PPM1L: variants seen among roughly 807,000 people sequenced by gnomAD.
PPM1L encodes the protein protein phosphatase, Mg2+/Mn2+ dependent 1L.
In PPM1L, 13 loss-of-function variants were observed where a neutral mutation model predicts 31.4. That is an observed-to-expected ratio of 0.41 (90% CI 0.27 to 0.66). PPM1L has a LOEUF of 0.66. Among genes scored for constraint, PPM1L ranks in the 30% least tolerant of loss-of-function variants. The pLI is 0.29. For synonymous variants in PPM1L, 184 were observed against 175.4 expected, an observed-to-expected ratio of 1.05 and a Z score of -0.39; for missense variants, 326 against 453.7, an observed-to-expected ratio of 0.72 and a Z score of 2.56.
At position 161,019,543 on chromosome 3, in the gene PPM1L, G is replaced by A. The variant is rs183323113; in HGVS notation, c.575-45860G>A. 3.8e-4 allele frequency among the ~76,000 whole-genome samples: 58 copies of A among 152,236 alleles called. 1 individual carries two copies. The South Asian group carries it at 0.01, about 27-fold the overall frequency. On this transcript the variant is annotated intron_variant, in intron 2 of 3. Coordinates refer to ENST00000498165, the MANE Select transcript of PPM1L (RefSeq NM_139245.4). ...TAAAATAAATTCTGGACACTTTTTG[G>A]TGAGGTCAACAGCTGGTTTTTAGCT...
Position 160,961,920 on chromosome 3 carries a change from T to C in PPM1L, c.574+10T>C. 12 of 1,534,266 alleles carry C rather than the reference T, an allele frequency of 7.8e-6. No homozygotes were observed. Among genetic ancestry groups the C allele is most frequent in the Non-Finnish European group, 1.0e-5 (12 of 1,146,702 alleles). ...TCCTATGATGAAGCAGGTATGTTTGTTTTTAAAACACACATTTTTTTTCCT... is the reference window on the plus strand; with the variant it reads ...TCCTATGATGAAGCAGGTATGTTTGCTTTTAAAACACACATTTTTTTTCCT... On this transcript the variant is annotated intron_variant, in intron 2 of 3. Coordinates refer to ENST00000498165, the MANE Select transcript of PPM1L (RefSeq NM_139245.4).
At position 161,061,925 on chromosome 3, in the gene PPM1L, C is replaced by A. The variant is rs1467598705; in HGVS notation, c.575-3478C>A. Among the ~76,000 whole-genome samples, 9 of 152,314 alleles carry A rather than the reference C, an allele frequency of 5.9e-5. No homozygotes were observed. In the East Asian group the frequency reaches 1.7e-3, roughly 29 times the overall value. ...CATTTATTGTCTCATTGAACAAGGA[C>A]AGGGCAGCTCTAGGCTGGCTCAGCA... On this transcript the variant is annotated intron_variant, in intron 2 of 3. Transcript: ENST00000498165.
chr3:160,956,939 T>TG (rs1408012603), intron 1 of PPM1L, among the ~76,000 whole-genome samples: 2 of 152,192 alleles, frequency 1.3e-5, no homozygotes, highest in Non-Finnish European at 2.9e-5. Context: ...GAACCAGATG[T>TG]GGGGGAACAC....
At chr3:160,994,256 TGGCTTTTCCCAGG>T (rs1285147586) in intron 2 of PPM1L, among the ~76,000 whole-genome samples, 1 of 152,154 alleles carries the variant, frequency 6.6e-6, no homozygotes, top group Non-Finnish European at 1.5e-5. Context: ...AAACAAGATA[TGGCTTTTCCCAGG>T]GGCTTACATG....
intron 1 of PPM1L, among the ~76,000 whole-genome samples, chr3:160,813,735 G>A (rs1191760225): frequency 6.6e-6 from 1 of 152,144 alleles, no homozygotes; most frequent in African/African-American, 2.4e-5. Context: ...ACAAAGTTTA[G>A]CCCATTGATT....
intron 2 of PPM1L, among the ~76,000 whole-genome samples, chr3:161,036,380 C>T (rs988176671): frequency 8.5e-5 from 13 of 152,254 alleles, no homozygotes; most frequent in African/African-American, 3.1e-4. Context: ...TTCTTAATAC[C>T]TCTGTGACCT....
intron 1 of PPM1L, among the ~76,000 whole-genome samples, chr3:160,929,016 A>G (rs750365254): frequency 2.0e-5 from 3 of 152,174 alleles, no homozygotes; most frequent in Admixed American, 6.5e-5. Context: ...CCTAACTCCT[A>G]TGTTTACAGC....
intron 1 of PPM1L, among the ~76,000 whole-genome samples, chr3:160,894,183 T>A (rs1713256158): frequency 6.6e-6 from 1 of 152,232 alleles, no homozygotes; most frequent in Non-Finnish European, 1.5e-5. Flanking sequence ...ATTGACAGCC[T>A]ATTGCTGTTT....
chr3:160,888,266 G>A (rs1713003971), intron 1 of PPM1L, among the ~76,000 whole-genome samples: 1 of 152,172 alleles, frequency 6.6e-6, no homozygotes, highest in African/African-American at 2.4e-5. Context: ...AGACCCATTA[G>A]CGTGCCATAT....
intron 2 of PPM1L, among the ~76,000 whole-genome samples, chr3:161,055,448 A>G (rs887845984): frequency 6.6e-6 from 1 of 152,138 alleles, no homozygotes; most frequent in Non-Finnish European, 1.5e-5. Flanking sequence ...AGTTTCATTA[A>G]TGACTGCCTT....
chr3:160,901,957 G>C (rs1713558579), intron 1 of PPM1L, among the ~76,000 whole-genome samples: 1 of 151,852 alleles, frequency 6.6e-6, no homozygotes, highest in Non-Finnish European at 1.5e-5. Context: ...TTAAATTTCT[G>C]ATTTATGGTT....
At chr3:161,006,195 A>T (rs1717699133) in intron 2 of PPM1L, among the ~76,000 whole-genome samples, 1 of 152,242 alleles carries the variant, frequency 6.6e-6, no homozygotes, top group South Asian at 2.1e-4. Flanking sequence ...ATCTTGTTAA[A>T]TGCTGCAACA....
chr3:160,918,526 A>T (rs765843002), intron 1 of PPM1L, among the ~76,000 whole-genome samples: 15 of 152,264 alleles, frequency 9.9e-5, no homozygotes, highest in Non-Finnish European at 2.1e-4. Flanking sequence ...TGTGAAAAAT[A>T]AAACTGAATC....
At chr3:160,795,471 C>A (rs1712219938) in intron 1 of PPM1L, among the ~76,000 whole-genome samples, 1 of 152,136 alleles carries the variant, frequency 6.6e-6, no homozygotes, top group Non-Finnish European at 1.5e-5. Flanking sequence ...GGCAAAATTG[C>A]CCCTGGGTGA....
chr3:160,795,230 T>C, intron 1 of PPM1L, among the ~76,000 whole-genome samples: 1 of 152,216 alleles, frequency 6.6e-6, no homozygotes, highest in Non-Finnish European at 1.5e-5. Context: ...TTTCAAAGTT[T>C]GTCATTTTTA....
intron 2 of PPM1L, among the ~76,000 whole-genome samples, chr3:160,988,160 A>G (rs1230194549): frequency 2.0e-5 from 3 of 152,214 alleles, no homozygotes; most frequent in Non-Finnish European, 2.9e-5. Flanking sequence ...ACTGAAGCTC[A>G]TGGGAGACAC....
intron 1 of PPM1L, among the ~76,000 whole-genome samples, chr3:160,958,360 T>C (rs1009009147): frequency 1.1e-4 from 16 of 152,194 alleles, no homozygotes; most frequent in Admixed American, 1.0e-3. Flanking sequence ...GGGTCCAGTT[T>C]CAATCTTCTG....
intron 2 of PPM1L, among the ~76,000 whole-genome samples, chr3:161,061,814 A>G (rs1019187553): frequency 6.6e-6 from 1 of 152,202 alleles, no homozygotes; most frequent in Admixed American, 6.5e-5. Flanking sequence ...CTAAACAGCC[A>G]CACTCTAAAT....
intron 1 of PPM1L, among the ~76,000 whole-genome samples, chr3:160,898,446 A>G (rs1442758366): frequency 1.3e-5 from 2 of 152,208 alleles, no homozygotes; most frequent in Admixed American, 6.5e-5. Flanking sequence ...GGGCCCTCTC[A>G]GAGACTGCTC....
Sources: gnomAD v4.1 joint callset for allele counts (sites outside exome capture counted in the v4.1 genomes callset) on GRCh38, gnomAD v4.1.1 for gene constraint, MANE v1.5 for transcripts, NCBI Gene and HGNC (gene_info 2026-07-23, HGNC 2026-07-21) for gene names.